The following FYN variants were observed in gnomAD, a reference collection of about 807,000 sequenced individuals.
The protein encoded by FYN is tyrosine-protein kinase Fyn.
In FYN, 10 loss-of-function variants were observed where a neutral mutation model predicts 70.2. That is an observed-to-expected ratio of 0.14 (90% CI 0.09 to 0.24). FYN has a LOEUF of 0.24. Ranked by LOEUF, FYN falls within the 10% of genes least tolerant of loss-of-function variation. FYN has a pLI of 1.00. For synonymous variants in FYN, 236 were observed against 248.6 expected (o/e 0.95, Z 0.48); for missense variants, 319 against 673.1 (o/e 0.47, Z 5.82).
intron 1 of FYN, among the ~76,000 whole-genome samples, chr6:111,865,067 A>C (rs1370999018): frequency 6.6e-6 from 1 of 152,236 alleles, no homozygotes; most frequent in African/African-American, 2.4e-5. Flanking sequence ...AGAAAGGAGA[A>C]TACAAGGCCA....
intron 13 of FYN, among the ~76,000 whole-genome samples, chr6:111,671,799 G>A (rs115220969): frequency 7.2e-5 from 11 of 152,268 alleles, no homozygotes; most frequent in African/African-American, 2.4e-4. Flanking sequence ...AGGAAGCTTC[G>A]TGAAACCTCT....
chr6:111,763,226 C>A (rs1440868697), intron 3 of FYN, among the ~76,000 whole-genome samples: 8 of 152,184 alleles, frequency 5.3e-5, no homozygotes, highest in African/African-American at 1.7e-4. Context: ...GGGTTTCTGT[C>A]TTTGTAACTT....
intron 3 of FYN, among the ~76,000 whole-genome samples, chr6:111,774,868 G>A (rs1384174070): frequency 6.6e-6 from 1 of 152,094 alleles, no homozygotes; most frequent in East Asian, 1.9e-4. Flanking sequence ...ATAGGCGTGT[G>A]CCACCACATC....
chr6:111,776,119 G>C (rs1172052643), intron 3 of FYN, among the ~76,000 whole-genome samples: 1 of 152,150 alleles, frequency 6.6e-6, no homozygotes, highest in Non-Finnish European at 1.5e-5. Context: ...AAGGCCAAAA[G>C]TCTCAGGTAT....
intron 12 of FYN, among the ~76,000 whole-genome samples, chr6:111,679,581 T>C (rs1406637822): frequency 6.6e-6 from 1 of 152,188 alleles, no homozygotes; most frequent in Non-Finnish European, 1.5e-5. Context: ...TTTGGCTGAA[T>C]AACCACAGTT....
chr6:111,722,653 C>T (rs991671518), intron 3 of FYN, among the ~76,000 whole-genome samples: 4 of 152,150 alleles, frequency 2.6e-5, no homozygotes, highest in Non-Finnish European at 4.4e-5. Flanking sequence ...TACCACTCCC[C>T]TGCAAGAGAC....
Position 111,685,183 on chromosome 6 carries a change from C to T in FYN, c.1273+9192G>A, listed in dbSNP as rs947629870. Among the ~76,000 whole-genome samples, 11 of 152,314 alleles carry T rather than the reference C, an allele frequency of 7.2e-5. No homozygotes were observed. The East Asian group carries it at 1.4e-3, about 19-fold the overall frequency. ...GAGAGGAACTCACCTGAGTGATCAA[C>T]GGATGTGTGGGATGTAGCTCAACAC... On this transcript the variant is annotated intron_variant, in intron 12 of 13. Transcript: ENST00000354650.
intron 2 of FYN, among the ~76,000 whole-genome samples, chr6:111,782,805 T>A (rs1771224328): frequency 6.6e-6 from 1 of 152,160 alleles, no homozygotes. Context: ...TGAGGCCAGG[T>A]ACAGTTGCTC....
At chr6:111,768,264 T>C (rs1452553769) in intron 3 of FYN, among the ~76,000 whole-genome samples, 1 of 152,232 alleles carries the variant, frequency 6.6e-6, no homozygotes, top group Non-Finnish European at 1.5e-5. Context: ...GATGTATCTC[T>C]GTTTTCCCAG....
At chr6:111,662,151 C>T (rs948563379) in intron 13 of FYN, among the ~76,000 whole-genome samples, 3 of 152,184 alleles carry the variant, frequency 2.0e-5, no homozygotes, top group African/African-American at 7.2e-5. Flanking sequence ...TTCAGAATGA[C>T]TCTCAAAACA....
intron 2 of FYN, among the ~76,000 whole-genome samples, chr6:111,802,062 GAT>G (rs1454685883): frequency 6.6e-6 from 1 of 152,180 alleles, no homozygotes; most frequent in Non-Finnish European, 1.5e-5. Flanking sequence ...ATATGGTTTG[GAT>G]CTGTGTCCCA....
chr6:111,853,729 C>T (rs1773748473), intron 1 of FYN, among the ~76,000 whole-genome samples: 3 of 152,312 alleles, frequency 2.0e-5, no homozygotes, highest in South Asian at 4.1e-4. Context: ...AGCGATCCTC[C>T]TACCTCAGCC....
At chr6:111,773,638 AG>A (rs1803589532) in intron 3 of FYN, among the ~76,000 whole-genome samples, 1 of 15,222 alleles carries the variant, frequency 6.6e-5, no homozygotes, top group Non-Finnish European at 1.1e-4. Flanking sequence ...GGAGAGGGGG[AG>A]GGGGAGGGAG....
chr6:111,784,485 A>G (rs575869024), intron 2 of FYN, among the ~76,000 whole-genome samples: 2 of 152,338 alleles, frequency 1.3e-5, no homozygotes, highest in South Asian at 4.1e-4. Context: ...CCTGATAACC[A>G]TGGTACATTT....
intron 1 of FYN, among the ~76,000 whole-genome samples, chr6:111,848,368 G>C (rs1406487115): frequency 2.0e-5 from 3 of 152,096 alleles, no homozygotes; most frequent in Non-Finnish European, 4.4e-5. Context: ...AACAACATAG[G>C]ATGCCCAATT....
At chr6:111,816,075 C>T (rs375118281) in intron 2 of FYN, among the ~76,000 whole-genome samples, 7 of 152,212 alleles carry the variant, frequency 4.6e-5, no homozygotes, top group East Asian at 3.9e-4. Context: ...AATTTAAATG[C>T]TACATAGCTA....
At chr6:111,710,136 T>C (rs1353832129) in intron 5 of FYN, among the ~76,000 whole-genome samples, 1 of 152,182 alleles carries the variant, frequency 6.6e-6, no homozygotes, top group Admixed American at 6.5e-5. Flanking sequence ...CCGCCCAGCC[T>C]GGGAAATGCT....
intron 2 of FYN, among the ~76,000 whole-genome samples, chr6:111,833,993 T>G (rs1421011196): frequency 2.0e-5 from 3 of 152,176 alleles, no homozygotes; most frequent in Non-Finnish European, 4.4e-5. Flanking sequence ...ATAAATAAAT[T>G]TGATGCATGA....
intron 3 of FYN, among the ~76,000 whole-genome samples, chr6:111,736,293 T>C (rs1801707247): frequency 6.6e-6 from 1 of 152,182 alleles, no homozygotes; most frequent in Admixed American, 6.5e-5. Flanking sequence ...CAGTTTTGCA[T>C]AAAAAATATA....
Sources: allele counts gnomAD v4.1 joint callset (sites outside exome capture counted in the v4.1 genomes callset), GRCh38; gene constraint gnomAD v4.1.1; transcripts MANE v1.5; gene names NCBI Gene and HGNC (gene_info 2026-07-23, HGNC 2026-07-21).